Variants in SRCAP observed in about 807,000 individuals in gnomAD.
SRCAP encodes the protein chromatin remodeling protein SRCAP.
A neutral mutation model predicts 263.1 loss-of-function variants in SRCAP; 46 were observed. The observed-to-expected ratio is 0.17, with a 90% CI of 0.14 to 0.22. The LOEUF (loss-of-function observed/expected upper bound fraction) is 0.22. Among genes scored for constraint, SRCAP ranks in the 10% least tolerant of loss-of-function variants. The pLI, the probability that SRCAP is intolerant of heterozygous loss-of-function variation, is 1.00. For synonymous variants in SRCAP, 1,813 were observed against 1,662.1 expected (o/e 1.09, Z -2.21); for missense variants, 3,695 against 4,181.9 (o/e 0.88, Z 3.21).
intron 16 of SRCAP, among the ~76,000 whole-genome samples, chr16:30,715,605 A>C (rs1053867251): frequency 3.3e-5 from 5 of 150,734 alleles, no homozygotes; most frequent in African/African-American, 1.2e-4. Flanking sequence ...TTCCTTAACT[A>C]TTACTTTTCC....
Position 30,739,730 on chromosome 16 carries a change from G to T in SRCAP, c.9690G>T (p.Thr3230=). Residue 3230 remains threonine, a synonymous_variant, in exon 34 of 34, where the codon ACG becomes ACT. Transcript: ENST00000262518. ...GTCACAGAGGCCGCAAGGCCAAGACGTGAGTGGGCTGCCCCTCCACCTAGG... is the reference window on the plus strand; with the variant it reads ...GTCACAGAGGCCGCAAGGCCAAGACTTGAGTGGGCTGCCCCTCCACCTAGG... ...AVSHRGRKAK[T] is the part of the protein sequence containing the mutation. 2.0e-6 allele frequency: 3 copies of T among 1,472,166 alleles called. No individual in the cohort carries two copies. The highest frequency in any genetic ancestry group is 2.7e-6 in the Non-Finnish European group (3 of 1,110,688). 91.2% of individuals were successfully genotyped at this position (1,472,166 alleles called of 1,614,324 possible).
rs1176028341 is a variant in SRCAP at position 30,736,361 on chromosome 16, G to T, written c.6891G>T (p.Arg2297=). The T allele has an allele frequency of 1.2e-6, 2 of 1,613,564 alleles. No homozygotes were observed. Among genetic ancestry groups the T allele is most frequent in the Admixed American group, 3.3e-5 (2 of 59,964 alleles). The change falls in exon 32 of 34, where the codon CGG becomes CGT. Residue 2297 remains arginine, a synonymous_variant. Transcript: ENST00000262518. ...RPGAEDEEMS[R]AEQEIAALVE... ...GGGCTGAGGATGAGGAGATGTCCCG[G>T]GCTGAGCAGGAAATTGCTGCCCTCG...
At position 30,737,504 on chromosome 16, in the gene SRCAP, T is replaced by C; in HGVS notation, c.7464T>C (p.Pro2488=). ...PVHILPSPPP[P]SQIPPCSSPA... ...ATATCTTGCCTTCTCCTCCCCCTCC[T>C]TCACAGATTCCTCCTTGTTCTTCTC... Residue 2488 remains proline, a synonymous_variant, in exon 34 of 34, where the codon CCT becomes CCC. Coordinates refer to ENST00000262518, the MANE Select transcript of SRCAP (RefSeq NM_006662.3). 1.9e-6 allele frequency: 3 copies of C among 1,601,084 alleles called. No homozygotes were observed. Among genetic ancestry groups the C allele is most frequent in the Non-Finnish European group, 2.6e-6 (3 of 1,168,684 alleles).
At chr16:30,722,480 C>G in intron 22 of SRCAP, 83 bp from the exon 23 acceptor site, 1 of 1,549,110 alleles carries the variant, frequency 6.5e-7, no homozygotes, top group Non-Finnish European at 8.8e-7. Context: ...CCTCTCTGTT[C>G]TTTTCTTCTC....
chr16:30,713,237 G>A lies in SRCAP; in HGVS notation c.2160G>A (p.Val720=), dbSNP rs368797062. 3.8e-5 allele frequency: 61 copies of A among 1,613,978 alleles called. No homozygotes were observed. Among genetic ancestry groups the A allele is most frequent in the Non-Finnish European group, 4.8e-5 (57 of 1,180,052 alleles). The change falls in exon 15 of 34, where the codon GTG becomes GTA. Residue 720 remains valine, a synonymous_variant. Transcript: ENST00000262518. ...GGACCAAGCCCAATGCCTTTCATGT[G>A]TGTATCACATCTTACAAGCTGGTGC... ...QGWTKPNAFH[V]CITSYKLVLQ... is the part of the protein sequence containing the mutation.
At chr16:30,727,947 G>T (rs2053078546) in intron 25 of SRCAP, among the ~76,000 whole-genome samples, 1 of 152,164 alleles carries the variant, frequency 6.6e-6, no homozygotes, top group Non-Finnish European at 1.5e-5. Flanking sequence ...CTCCCAAAGT[G>T]CTGGGATTAT....
chr16:30,735,943 G>T (rs1380590958), intron 31 of SRCAP, among the ~76,000 whole-genome samples: 1 of 150,120 alleles, frequency 6.7e-6, no homozygotes, highest in Admixed American at 6.6e-5. Context: ...AGCTGAGGCT[G>T]ACTTTAAAGG....
chr16:30,738,655 A>G lies in SRCAP; in HGVS notation c.8615A>G (p.Asp2872Gly), dbSNP rs1328914551. The G allele has an allele frequency of 6.2e-7, 1 of 1,612,238 alleles. No homozygotes were observed. Among genetic ancestry groups the G allele is most frequent in the Admixed American group, 1.7e-5 (1 of 59,590 alleles). ...RPPKKNRSPA[D>G]AGRGVDEAPS... Reference sequence around the variant, plus strand: ...CCCAAGAAGAACAGGTCTCCAGCAGATGCTGGGAGAGGTGTGGATGAGGCA... The same window carrying G: ...CCCAAGAAGAACAGGTCTCCAGCAGGTGCTGGGAGAGGTGTGGATGAGGCA... The change falls in exon 34 of 34, where the codon GAT (aspartate) becomes GGT (glycine). Residue 2872 changes from aspartate (D) to glycine (G), a missense_variant. Asp to Gly is a moderately conservative substitution (Grantham distance 94, BLOSUM62 -1). Transcript: ENST00000262518.
Position 30,725,045 on chromosome 16 carries a change from G to A in SRCAP, c.5621G>A (p.Arg1874His), listed in dbSNP as rs1596657324. Residue 1874 changes from arginine to histidine, a missense_variant, in exon 25 of 34, where the codon CGC becomes CAC. Arg to His is a conservative substitution (Grantham distance 29). This residue lies in a region of SRCAP where 1,347 missense variants were observed against 1,304.4 expected (regional missense o/e 1.03). Coordinates refer to ENST00000262518, the MANE Select transcript of SRCAP (RefSeq NM_006662.3). ...TCGTTTGGTGGCCCCCGGCCTCGAC[G>A]CCAGCCCCCCCCACCACCTCGTTCC... is the stretch of plus-strand genomic sequence containing the variant. ...ATSFGGPRPR[R>H]QPPPPPRSPF... 4 of 1,611,426 alleles carry A rather than the reference G, an allele frequency of 2.5e-6. No homozygotes were observed. Among genetic ancestry groups the A allele is most frequent in the African/African-American group, 1.3e-5 (1 of 74,532 alleles).
In SRCAP at chr16:30,738,196, C is replaced by G. The variant is rs905899806; in HGVS notation, c.8156C>G (p.Pro2719Arg). Residue 2719 changes from proline (P) to arginine (R), a missense_variant, in exon 34 of 34, where the codon CCT becomes CGT. Physicochemically the swap from Pro to Arg is moderately radical, Grantham distance 103. This residue lies in a region of SRCAP where 1,207 missense variants were observed against 1,142.9 expected (regional missense o/e 1.06). Transcript: ENST00000262518. ...CCTGAGGGTCCTTCACCTGCCCGAC[C>G]TCCTCGGCGTCGCACCAGTGCTGAT... ...SSPEGPSPAR[P>R]PRRRTSADVE... is the part of the protein sequence containing the mutation. 2.5e-6 allele frequency: 4 copies of G among 1,614,196 alleles called. No homozygotes were observed. Among genetic ancestry groups the G allele is most frequent in the Non-Finnish European group, 2.5e-6 (3 of 1,180,038 alleles).
chr16:30,734,610 G>A lies in SRCAP; in HGVS notation c.6724G>A (p.Glu2242Lys). The A allele has an allele frequency of 6.2e-7, 1 of 1,614,002 alleles. No homozygotes were observed. The highest frequency in any genetic ancestry group is 8.5e-7 in the Non-Finnish European group (1 of 1,179,972). ...GGCCAGCAAGCAGACTCATATTCTG[G>A]AGCAGGTAAAAAAAGAGTGGGCAGT... Reference protein sequence around the residue: ...TVASKQTHILEQALCRAEDEE... With the variant: ...TVASKQTHILKQALCRAEDEE... Residue 2242 changes from glutamate to lysine, a missense_variant, in exon 31 of 34, where the codon GAG (glutamate) becomes AAG (lysine). Around this residue, in one of 12 missense-constraint regions of SRCAP, gnomAD observed 53 missense variants for 45.6 expected, o/e 1.16. Transcript: ENST00000262518.
At position 30,733,411 on chromosome 16, in the gene SRCAP, C is replaced by T; in HGVS notation, c.6259C>T (p.Leu2087=). 6.2e-7 allele frequency: 1 copy of T among 1,614,140 alleles called. No homozygotes were observed. Among genetic ancestry groups the T allele is most frequent in the Non-Finnish European group, 8.5e-7 (1 of 1,180,024 alleles). ...TCTCACCTACCATGGCCATCTCTAC[C>T]TGCGCCTGGATGGATCTACTAGAGT... The part of the protein sequence containing the change: ...QFLTYHGHLY[L]RLDGSTRVEQ... Residue 2087 remains leucine, a synonymous_variant, in exon 28 of 34, where the codon CTG becomes TTG. Coordinates refer to ENST00000262518, the MANE Select transcript of SRCAP (RefSeq NM_006662.3). This position sits in a 1 kb window ranked among gnomAD's most constrained non-coding sequence, Gnocchi z 5.3.
In SRCAP at chr16:30,736,565, A is replaced by G. The variant is rs770190350; in HGVS notation, c.6949A>G (p.Met2317Val). 3 of 1,614,080 alleles carry G rather than the reference A, an allele frequency of 1.9e-6. No individual in the cohort carries two copies. The highest frequency in any genetic ancestry group is 2.2e-5 in the East Asian group (1 of 44,892). Residue 2317 changes from methionine (M) to valine (V), a missense_variant, in exon 33 of 34, where the codon ATG becomes GTG. Physicochemically the swap from Met to Val is conservative, Grantham distance 21. Transcript: ENST00000262518. ...GCTGACCCCCATTGAGCGCTATGCC[A>G]TGAAATTCCTGGAGGCCTCACTGGA... Reference protein sequence around the residue: ...EQLTPIERYAMKFLEASLEEV... With the variant: ...EQLTPIERYAVKFLEASLEEV...
At chr16:30,701,698 C>T (rs562859406) in intron 3 of SRCAP, among the ~76,000 whole-genome samples, 11 of 147,928 alleles carry the variant, frequency 7.4e-5, no homozygotes, top group South Asian at 2.1e-4. Flanking sequence ...GGCGCGATCT[C>T]GGCTCACTGC....
chr16:30,718,365 T>A (rs1337806145), intron 18 of SRCAP, among the ~76,000 whole-genome samples: 2 of 151,944 alleles, frequency 1.3e-5, no homozygotes, highest in Non-Finnish European at 1.5e-5. Flanking sequence ...TTAGTAGAGA[T>A]GGGGTTTCGC....
chr16:30,703,312 ACCT>A (rs1169746588), intron 3 of SRCAP, among the ~76,000 whole-genome samples: 8 of 149,526 alleles, frequency 5.4e-5, no homozygotes, highest in Non-Finnish European at 7.4e-5. Flanking sequence ...TCGTGCCTCA[ACCT>A]CCTGAGTAGC....
At chr16:30,729,782 A>AT (rs1351184227) in intron 27 of SRCAP, among the ~76,000 whole-genome samples, 2 of 151,370 alleles carry the variant, frequency 1.3e-5, no homozygotes, top group East Asian at 3.9e-4. Flanking sequence ...CTTTTTTTTT[A>AT]TTTTGAGACA....
chr16:30,704,250 G>A lies in SRCAP; in HGVS notation c.241G>A (p.Asp81Asn). 6.2e-7 allele frequency: 1 copy of A among 1,614,160 alleles called. No homozygotes were observed. The highest frequency in any genetic ancestry group is 8.5e-7 in the Non-Finnish European group (1 of 1,179,994). ...LEGFSLSQAA[D>N]LANKGPKWEK... Reference sequence around the variant, plus strand: ...GGGGTTCAGCTTATCCCAGGCTGCTGACCTGGCTAACAAGGGCCCGAAGTG... The same window carrying A: ...GGGGTTCAGCTTATCCCAGGCTGCTAACCTGGCTAACAAGGGCCCGAAGTG... Residue 81 changes from aspartate (D) to asparagine (N), a missense_variant, in exon 4 of 34, where the codon GAC (aspartate) becomes AAC (asparagine). Asp to Asn is a conservative substitution (Grantham distance 23, BLOSUM62 1). This residue lies in a region of SRCAP where 122 missense variants were observed against 116.9 expected (regional missense o/e 1.04). Coordinates refer to ENST00000262518, the MANE Select transcript of SRCAP (RefSeq NM_006662.3).
At chr16:30,704,371 A>G (rs1412710169) in intron 4 of SRCAP, 56 bp downstream of exon 4, 2 of 1,523,996 alleles carry the variant, frequency 1.3e-6, no homozygotes, top group Non-Finnish European at 1.8e-6. Flanking sequence ...GTAAACTCCC[A>G]CGTCCTCTTG....
Sources: gnomAD v4.1 joint callset for allele counts (sites outside exome capture counted in the v4.1 genomes callset) on GRCh38, gnomAD v4.1.1 for gene constraint, gnomAD v4.1.1 regional missense constraint, Gnocchi (gnomAD v3.1) non-coding constraint, MANE v1.5 for transcripts, NCBI Gene and HGNC (gene_info 2026-07-23, HGNC 2026-07-21) for gene names.